Variants in RAB38 observed in about 807,000 individuals in gnomAD.
The protein encoded by RAB38 is ras-related protein Rab-38.
In RAB38, 15 loss-of-function variants were observed where a neutral mutation model predicts 18.4. The observed-to-expected ratio is 0.82, with a 90% CI of 0.55 to 1.26. The LOEUF (loss-of-function observed/expected upper bound fraction) is 1.26, where lower values mean the gene tolerates loss of function less well. Among genes scored for constraint, RAB38 ranks in the 50% most tolerant of loss-of-function variants. The probability of loss-of-function intolerance (pLI) is 0.00; values close to 1 mark genes in which losing one functional copy is unlikely to be tolerated. For synonymous variants in RAB38, 101 were observed against 104.4 expected (o/e 0.97, Z 0.20); for missense variants, 294 against 267.4 (o/e 1.10, Z -0.69).
the RAB38 span, among the ~76,000 whole-genome samples, chr11:87,895,951 C>A: frequency 6.6e-6 from 1 of 151,668 alleles, no homozygotes. Flanking sequence ...TTGTACATGT[C>A]ATTTTCTTCC....
intron 2 of RAB38, among the ~76,000 whole-genome samples, chr11:88,118,713 G>T (rs892813941): frequency 6.6e-6 from 1 of 152,160 alleles, no homozygotes; most frequent in Non-Finnish European, 1.5e-5. Flanking sequence ...TGACAAGATG[G>T]TCTACTGTTT....
At chr11:87,959,585 G>A in the RAB38 span, among the ~76,000 whole-genome samples, 2 of 152,186 alleles carry the variant, frequency 1.3e-5, no homozygotes, top group Admixed American at 6.5e-5. Flanking sequence ...GTATAAGGTA[G>A]CTGGCCAGCC....
Position 88,175,337 on chromosome 11 carries a change from G to A in RAB38, c.48C>T (p.Gly16=). The A allele has an allele frequency of 6.2e-7, 1 of 1,614,202 alleles. No individual in the cohort carries two copies. Among genetic ancestry groups the A allele is most frequent in the Non-Finnish European group, 8.5e-7 (1 of 1,180,034 alleles). The change falls in exon 1 of 3, where the codon GGC becomes GGT. Residue 16 remains glycine (G), a synonymous_variant. Transcript: ENST00000243662. ...TACTGGTCTTCCCCACGCCCAGGTC[G>A]CCAATCACCAGCAACTTGTACAGGT... ...KEHLYKLLVI[G]DLGVGKTSII... is the part of the protein sequence containing the mutation.
chr11:87,938,877 A>G, the RAB38 span, among the ~76,000 whole-genome samples: 2 of 151,796 alleles, frequency 1.3e-5, no homozygotes, highest in Non-Finnish European at 2.9e-5. Flanking sequence ...GTATTACTAT[A>G]TTTATTTTAT....
intron 1 of RAB38, among the ~76,000 whole-genome samples, chr11:88,157,211 C>T (rs1375930411): frequency 1.3e-5 from 2 of 152,130 alleles, no homozygotes; most frequent in African/African-American, 4.8e-5. Flanking sequence ...TCAGATAAAT[C>T]ACACTTTAAA....
At chr11:87,953,913 A>ATTTATTTATTT in the RAB38 span, among the ~76,000 whole-genome samples, 1 of 144,604 alleles carries the variant, frequency 6.9e-6, no homozygotes, top group Non-Finnish European at 1.5e-5. Flanking sequence ...AGCTATTTGT[A>ATTTATTTATTT]TTTATTTATT....
the RAB38 span, among the ~76,000 whole-genome samples, chr11:87,976,700 T>G: frequency 1.4e-5 from 1 of 69,514 alleles, no homozygotes; most frequent in African/African-American, 5.2e-5. Flanking sequence ...TACAATATAT[T>G]TTTACATATT....
the RAB38 span, among the ~76,000 whole-genome samples, chr11:88,028,488 T>A: frequency 6.6e-6 from 1 of 151,986 alleles, no homozygotes; most frequent in Non-Finnish European, 1.5e-5. Context: ...TGAAAAAAAT[T>A]TAGAAGAATG....
chr11:87,881,269 A>G, the RAB38 span, among the ~76,000 whole-genome samples: 1 of 151,846 alleles, frequency 6.6e-6, no homozygotes, highest in African/African-American at 2.4e-5. Flanking sequence ...TCATGTTCAG[A>G]GCCCAGGATA....
chr11:88,032,766 T>C, the RAB38 span, among the ~76,000 whole-genome samples: 1 of 152,186 alleles, frequency 6.6e-6, no homozygotes, highest in Non-Finnish European at 1.5e-5. Context: ...GGAACACTTT[T>C]ACACTGTTGG....
the RAB38 span, among the ~76,000 whole-genome samples, chr11:87,838,394 G>A: frequency 2.6e-5 from 4 of 152,302 alleles, no homozygotes; most frequent in East Asian, 1.9e-4. Flanking sequence ...GATTATAGGC[G>A]TGAGTCACTG....
the RAB38 span, among the ~76,000 whole-genome samples, chr11:88,072,052 C>A: frequency 7.8e-4 from 119 of 152,170 alleles, no homozygotes; most frequent in Non-Finnish European, 1.5e-3. Flanking sequence ...GCAGAACCCA[C>A]CAAAATGCAA....
At chr11:88,066,054 C>A in the RAB38 span, among the ~76,000 whole-genome samples, 1 of 152,270 alleles carries the variant, frequency 6.6e-6, no homozygotes, top group East Asian at 1.9e-4. Context: ...TTTATAATCA[C>A]CAAAGTTTCA....
At chr11:88,021,199 G>C in the RAB38 span, among the ~76,000 whole-genome samples, 6 of 152,166 alleles carry the variant, frequency 3.9e-5, no homozygotes, top group African/African-American at 1.2e-4. Flanking sequence ...CAAAACTTTA[G>C]CCACACTAAG....
At chr11:88,140,762 GA>G (rs970543218) in intron 2 of RAB38, among the ~76,000 whole-genome samples, 3 of 151,970 alleles carry the variant, frequency 2.0e-5, no homozygotes, top group African/African-American at 4.8e-5. Context: ...TGGAGAAGCA[GA>G]AAAAAAATCT....
chr11:88,004,000 TAA>T, the RAB38 span, among the ~76,000 whole-genome samples: 463 of 129,036 alleles, frequency 3.6e-3, 2 homozygotes, highest in African/African-American at 7.1e-3. Flanking sequence ...TATATATATA[TAA>T]AAAAGGTATA....
chr11:88,040,192 T>G, the RAB38 span, among the ~76,000 whole-genome samples: 1 of 152,246 alleles, frequency 6.6e-6, no homozygotes, highest in South Asian at 2.1e-4. Context: ...CAATAGAAAT[T>G]TATGTTCTCA....
chr11:88,124,596 C>T (rs1398654215), intron 2 of RAB38, among the ~76,000 whole-genome samples: 2 of 152,180 alleles, frequency 1.3e-5, no homozygotes, highest in Non-Finnish European at 2.9e-5. Context: ...TAGAACCTGT[C>T]GACCCAACCC....
At chr11:88,052,943 T>TATATATAA in the RAB38 span, among the ~76,000 whole-genome samples, 1 of 115,700 alleles carries the variant, frequency 8.6e-6, no homozygotes, top group African/African-American at 3.6e-5. Flanking sequence ...TATATATATA[T>TATATATAA]AAATTATATA....
Sources: allele counts gnomAD v4.1 joint callset (sites outside exome capture counted in the v4.1 genomes callset), GRCh38; gene constraint gnomAD v4.1.1; transcripts MANE v1.5; gene names NCBI Gene and HGNC (gene_info 2026-07-23, HGNC 2026-07-21).